KIF18B: variants seen among roughly 807,000 people sequenced by gnomAD.
The protein encoded by KIF18B is kinesin family member 18B, also known as kinesin-like protein KIF18B.
A neutral mutation model predicts 80.9 loss-of-function variants in KIF18B; 49 were observed. The observed-to-expected ratio is 0.61, with a 90% CI of 0.48 to 0.77. The LOEUF (loss-of-function observed/expected upper bound fraction) is 0.77. KIF18B is among the 30% of genes least tolerant of loss of function. KIF18B has a pLI of 0.00. For synonymous variants in KIF18B, 439 were observed against 463.9 expected, an observed-to-expected ratio of 0.95 and a Z score of 0.69; for missense variants, 994 against 1,127.7, an observed-to-expected ratio of 0.88 and a Z score of 1.70.
At position 44,932,650 on chromosome 17, in the gene KIF18B, C is replaced by A. The variant is rs144843305; in HGVS notation, c.1238+23G>T. ...TCCTGGCTGAGCTGCAGGGTGGGGG[C>A]GGGAATGGGCAGTGGAACTCACTGT... On this transcript the variant is annotated intron_variant, in intron 9 of 15. Transcript: ENST00000593135. 3,474 of 1,379,850 alleles carry A rather than the reference C, an allele frequency of 2.5e-3. 59 individuals carry two copies. The African/African-American group carries it at 0.039, about 15-fold the overall frequency. The allele number at this position is 1,379,850 out of a possible 1,614,324, so 85.5% of individuals were successfully genotyped here.
At chr17:44,942,742 G>A (rs1237355276) in intron 1 of KIF18B, among the ~76,000 whole-genome samples, 1 of 152,222 alleles carries the variant, frequency 6.6e-6, no homozygotes, top group Non-Finnish European at 1.5e-5. Context: ...AGCAGAGTCT[G>A]AATCCAAAAA....
chr17:44,940,314 T>A (rs1035268734), intron 1 of KIF18B, among the ~76,000 whole-genome samples: 9 of 152,346 alleles, frequency 5.9e-5, no homozygotes, highest in Admixed American at 1.3e-4. Context: ...CCACTGCCCA[T>A]TAGGAAGGTA....
rs772996767 is a variant in KIF18B at position 44,926,172 on chromosome 17, G to T, written c.2467C>A (p.Pro823Thr). Residue 823 changes from proline to threonine, a missense_variant, in exon 16 of 16, where the codon CCC becomes ACC. Physicochemically the swap from Pro to Thr is conservative, Grantham distance 38. Transcript: ENST00000593135. ...PLVLPELPLS[P>T]LCPSNRRNGK... ...TTCCTCCGGTTGCTAGGGCACAGGG[G>T]ACTCAAGGGCAGCTCTGCAGGCCAG... The T allele has an allele frequency of 1.2e-6, 2 of 1,613,922 alleles. No homozygotes were observed. The highest frequency in any genetic ancestry group is 4.5e-5 in the East Asian group (2 of 44,888).
intron 1 of KIF18B, among the ~76,000 whole-genome samples, chr17:44,944,403 C>T (rs571185257): frequency 5.3e-5 from 8 of 151,918 alleles, no homozygotes; most frequent in Non-Finnish European, 7.4e-5. Flanking sequence ...CCACCATGCC[C>T]GGCTATTTTT....
chr17:44,944,165 A>C (rs187334484), intron 1 of KIF18B, among the ~76,000 whole-genome samples: 1 of 152,378 alleles, frequency 6.6e-6, no homozygotes, highest in Non-Finnish European at 1.5e-5. Context: ...TTTTAAATAC[A>C]TAACTGGTTT....
At chr17:44,942,760 A>G (rs924496121) in intron 1 of KIF18B, among the ~76,000 whole-genome samples, 1 of 152,262 alleles carries the variant, frequency 6.6e-6, no homozygotes, top group Admixed American at 6.5e-5. Context: ...AAATCTAAAA[A>G]TAATTATTAT....
In KIF18B at chr17:44,928,073, G is replaced by A. The variant is rs897519377; in HGVS notation, c.2229C>T (p.Asp743=). The A allele has an allele frequency of 6.5e-7, 1 of 1,542,862 alleles. No individual in the cohort carries two copies. The highest frequency in any genetic ancestry group is 8.7e-7 in the Non-Finnish European group (1 of 1,146,442). ...GCCTGCTCAGCTCCTGGGGTATTTT[G>A]TCCCAGCCAATGCATTCATGGAAAC... ...KPSFHECIGW[D]KIPQELSRLD... The change falls in exon 13 of 16, where the codon GAC becomes GAT. Residue 743 remains aspartate (D), a synonymous_variant. Coordinates refer to ENST00000593135, the MANE Select transcript of KIF18B (RefSeq NM_001265577.2).
chr17:44,928,017 G>A lies in KIF18B; in HGVS notation c.2276+9C>T. 6.6e-7 allele frequency: 1 copy of A among 1,513,358 alleles called. No individual in the cohort carries two copies. Among genetic ancestry groups the A allele is most frequent in the Non-Finnish European group, 8.8e-7 (1 of 1,131,534 alleles). 93.7% of individuals were successfully genotyped at this position (1,513,358 alleles called of 1,614,324 possible). A position where few individuals can be genotyped will look rare whatever the true frequency, so the allele number is the denominator to read the frequency against. Reference sequence around the variant, plus strand: ...GACAGGAGGGGTGGAGCGAGACTGGGAGACCCACCTGGGGATGAAGGGCTG... The same window carrying A: ...GACAGGAGGGGTGGAGCGAGACTGGAAGACCCACCTGGGGATGAAGGGCTG... On this transcript the variant is annotated intron_variant, in intron 13 of 15. Coordinates refer to ENST00000593135, the MANE Select transcript of KIF18B (RefSeq NM_001265577.2).
chr17:44,941,562 C>A (rs992615251), intron 1 of KIF18B, among the ~76,000 whole-genome samples: 3 of 152,142 alleles, frequency 2.0e-5, no homozygotes, highest in Admixed American at 2.0e-4. Flanking sequence ...TGGTCTCGCA[C>A]CCCTGACCTC....
At chr17:44,940,816 T>G (rs904730180) in intron 1 of KIF18B, among the ~76,000 whole-genome samples, 2 of 152,216 alleles carry the variant, frequency 1.3e-5, no homozygotes, top group African/African-American at 4.8e-5. Context: ...GAGACAGAAC[T>G]GAGCTGATTT....
At position 44,927,683 on chromosome 17, in the gene KIF18B, CAAGTA is replaced by C. The variant is rs1422300509; in HGVS notation, c.2276+338_2276+342del. On this transcript the variant is annotated intron_variant, in intron 13 of 15. Transcript: ENST00000593135. The surrounding 1 kb of genome is among the most constrained non-coding windows in gnomAD (Gnocchi z 4.1). ...AGAATGCAGCCCAGGCCAAAGAGCC[CAAGTA>C]AAGAGAGGAACAGAAGTGTTGGGTT... Among the ~76,000 whole-genome samples, 1 of 152,218 alleles carries C rather than the reference CAAGTA, an allele frequency of 6.6e-6. No individual in the cohort carries two copies. Among genetic ancestry groups the C allele is most frequent in the African/African-American group, 2.4e-5 (1 of 41,456 alleles).
intron 9 of KIF18B, chr17:44,932,472 G>A (rs752290047): frequency 1.2e-5 from 7 of 595,850 alleles, no homozygotes; most frequent in South Asian, 2.1e-5. Context: ...CTGCTCTTAC[G>A]GGCTGGGGTG....
In KIF18B at chr17:44,934,102, G is replaced by T; in HGVS notation, c.886-3C>A. The T allele has an allele frequency of 6.2e-7, 1 of 1,611,170 alleles. No homozygotes were observed. Among genetic ancestry groups the T allele is most frequent in the East Asian group, 2.2e-5 (1 of 44,806 alleles). ...TAGGGCACATGGGTCTTGCGGCCCTGGGGGGCAGTAAGCAGGTGTGGGGTG... is the reference window on the plus strand; with the variant it reads ...TAGGGCACATGGGTCTTGCGGCCCTTGGGGGCAGTAAGCAGGTGTGGGGTG... On this transcript the variant is annotated splice_region_variant and splice_polypyrimidine_tract_variant and intron_variant, in intron 6 of 15. Transcript: ENST00000593135. The surrounding 1 kb of genome is among the most constrained non-coding windows in gnomAD (Gnocchi z 5.4).
At chr17:44,928,709 C>T (rs2052083996) in intron 12 of KIF18B, 110 bp downstream of exon 12, 1 of 1,397,414 alleles carries the variant, frequency 7.2e-7, no homozygotes. Flanking sequence ...GGCCCAGCCT[C>T]CTACAGCAGC....
intron 1 of KIF18B, among the ~76,000 whole-genome samples, chr17:44,938,526 T>C (rs2145727749): frequency 6.6e-6 from 1 of 152,358 alleles, no homozygotes; most frequent in East Asian, 1.9e-4. Flanking sequence ...TTCTCCAAGG[T>C]AATAAATCCT....
Position 44,926,188 on chromosome 17 carries a change from T to C in KIF18B, c.2453-2A>G. On this transcript the variant is annotated splice_acceptor_variant, in intron 15 of 15. Transcript: ENST00000593135. LOFTEE classifies it high-confidence loss of function. ...GGCACAGGGGACTCAAGGGCAGCTC[T>C]GCAGGCCAGTTGGATGGGTGGCGGG... 1 of 1,613,830 alleles carries C rather than the reference T, an allele frequency of 6.2e-7. No homozygotes were observed. Among genetic ancestry groups the C allele is most frequent in the Non-Finnish European group, 8.5e-7 (1 of 1,179,836 alleles).
At chr17:44,935,556 G>A (rs549495472) in intron 2 of KIF18B, 140 bp from the exon 3 acceptor site, 19 of 871,944 alleles carry the variant, frequency 2.2e-5, no homozygotes, top group South Asian at 1.6e-4. Context: ...CCATGTTCCC[G>A]CTGCAGGGCT....
chr17:44,928,050 C>T lies in KIF18B; in HGVS notation c.2252G>A (p.Arg751Lys), dbSNP rs757281877. The part of the protein sequence containing the change: ...GWDKIPQELS[R>K]LDQPFIPRAP... The stretch of plus-strand genomic sequence containing the variant: ...CCTGGGGATGAAGGGCTGGTCCAGC[C>T]TGCTCAGCTCCTGGGGTATTTTGTC... Residue 751 changes from arginine (R) to lysine (K), a missense_variant, in exon 13 of 16, where the codon AGG (arginine) becomes AAG (lysine). Arg to Lys is a conservative substitution (Grantham distance 26, BLOSUM62 2). Transcript: ENST00000593135. 6.5e-7 allele frequency: 1 copy of T among 1,526,964 alleles called. No homozygotes were observed. The highest frequency in any genetic ancestry group is 2.3e-5 in the East Asian group (1 of 44,120). The allele number at this position is 1,526,964 out of a possible 1,614,324, so 94.6% of individuals were successfully genotyped here.
Position 44,934,448 on chromosome 17 carries a change from G to T in KIF18B, c.688-18C>A. 6.2e-7 allele frequency: 1 copy of T among 1,603,796 alleles called. No homozygotes were observed. The highest frequency in any genetic ancestry group is 8.5e-7 in the Non-Finnish European group (1 of 1,173,902). ...ACAAAGATCTGAAGGCAGATGGCAG[G>T]GGTGAGGGGGAGATGGGCATCAGGG... is the stretch of plus-strand genomic sequence containing the variant. On this transcript the variant is annotated intron_variant, in intron 5 of 15. Transcript: ENST00000593135. This position sits in a 1 kb window ranked among gnomAD's most constrained non-coding sequence, Gnocchi z 5.4.
Sources: allele counts gnomAD v4.1 joint callset (sites outside exome capture counted in the v4.1 genomes callset), GRCh38; gene constraint gnomAD v4.1.1; non-coding constraint Gnocchi (gnomAD v3.1); transcripts MANE v1.5; gene names NCBI Gene and HGNC (gene_info 2026-07-23, HGNC 2026-07-21).